ATP8A2: variants seen among roughly 807,000 people sequenced by gnomAD.
ATP8A2 encodes phospholipid-transporting ATPase IB.
Under a neutral mutation model 165.6 loss-of-function variants are expected in ATP8A2, and 100 were observed. The ratio of observed to expected loss-of-function variants is 0.60; its 90% CI spans 0.51 to 0.71. The LOEUF (loss-of-function observed/expected upper bound fraction) is 0.71, where lower values mean the gene tolerates loss of function less well. ATP8A2 is among the 30% of genes least tolerant of loss of function. The pLI, the probability that ATP8A2 is intolerant of heterozygous loss-of-function variation, is 0.00. For missense variants in ATP8A2, 1,227 were observed against 1,479.5 expected (o/e 0.83, Z 2.80); for synonymous variants, 543 against 548.8 (o/e 0.99, Z 0.15).
intron 24 of ATP8A2, among the ~76,000 whole-genome samples, chr13:25,666,413 A>G (rs775199124): frequency 1.3e-5 from 2 of 151,892 alleles, no homozygotes; most frequent in South Asian, 2.1e-4. Flanking sequence ...GTGTATATAT[A>G]TATATTAGTA....
chr13:25,918,539 T>C (rs1214426575), intron 33 of ATP8A2, among the ~76,000 whole-genome samples: 1 of 152,192 alleles, frequency 6.6e-6, no homozygotes, highest in Non-Finnish European at 1.5e-5. Flanking sequence ...AACCCTTCAG[T>C]CCAAAGGGGC....
chr13:25,862,117 T>C (rs761890777), intron 32 of ATP8A2, among the ~76,000 whole-genome samples, 184 bp from the exon 33 acceptor site: 2 of 152,132 alleles, frequency 1.3e-5, no homozygotes, highest in African/African-American at 2.4e-5. Flanking sequence ...ATTACTTGAA[T>C]TCATTGTTAA....
intron 25 of ATP8A2, among the ~76,000 whole-genome samples, chr13:25,709,125 G>A (rs1308089349): frequency 6.7e-6 from 1 of 150,170 alleles, no homozygotes; most frequent in African/African-American, 2.4e-5. Context: ...CAGACAGAGA[G>A]ACAGACAGAC....
intron 24 of ATP8A2, among the ~76,000 whole-genome samples, chr13:25,662,140 A>G (rs1334593983): frequency 6.6e-6 from 1 of 152,224 alleles, no homozygotes; most frequent in Non-Finnish European, 1.5e-5. Context: ...CATCTACCTC[A>G]TAGCATTATT....
intron 30 of ATP8A2, among the ~76,000 whole-genome samples, chr13:25,852,882 C>T (rs1593450604): frequency 6.7e-6 from 1 of 149,892 alleles, no homozygotes; most frequent in Admixed American, 6.7e-5. Context: ...ACAGCCTGGG[C>T]AACAAGAGAG....
intron 2 of ATP8A2, among the ~76,000 whole-genome samples, chr13:25,485,675 G>A (rs1455365478): frequency 6.6e-6 from 1 of 152,158 alleles, no homozygotes; most frequent in African/African-American, 2.4e-5. Context: ...AGTGGCAGTC[G>A]ACCCATAACA....
At chr13:25,481,654 C>T (rs1002981468) in intron 2 of ATP8A2, among the ~76,000 whole-genome samples, 7 of 152,166 alleles carry the variant, frequency 4.6e-5, no homozygotes, top group Admixed American at 3.3e-4. Context: ...ACTGCGGGGG[C>T]GTAAGCAGGT....
intron 2 of ATP8A2, among the ~76,000 whole-genome samples, 191 bp from the exon 3 acceptor site, chr13:25,529,808 A>G (rs2037971397): frequency 6.6e-6 from 1 of 152,156 alleles, no homozygotes; most frequent in Admixed American, 6.6e-5. Flanking sequence ...ACATTGGAAG[A>G]TTTTCTCATC....
At chr13:25,744,349 T>C (rs2419338) in intron 25 of ATP8A2, among the ~76,000 whole-genome samples, 54,150 of 149,786 alleles carry the variant, frequency 0.36, 10,061 homozygotes, top group East Asian at 0.48. Context: ...ATGTGCGCCC[T>C]TCTCTGTGAG....
intron 2 of ATP8A2, among the ~76,000 whole-genome samples, chr13:25,516,695 C>A (rs1470715743): frequency 6.6e-6 from 1 of 150,668 alleles, no homozygotes; most frequent in African/African-American, 2.4e-5. Flanking sequence ...TCTTGCAGTG[C>A]AAAATTAAAT....
At chr13:25,854,013 G>T (rs779626315) in intron 30 of ATP8A2, among the ~76,000 whole-genome samples, 6 of 152,184 alleles carry the variant, frequency 3.9e-5, no homozygotes, top group African/African-American at 7.2e-5. Flanking sequence ...GGCAGAGCTG[G>T]AACAGAGAGC....
In ATP8A2 at chr13:25,996,984, C is replaced by T. The variant is rs141803822; in HGVS notation, c.3378-15547C>T. On this transcript the variant is annotated intron_variant, in intron 35 of 36. Transcript: ENST00000381655. ...CAGGCGTGAGCCACCATGCCCAGCCCATCTTTGTATTTTTAGTAGAGACAG... is the reference window on the plus strand; with the variant it reads ...CAGGCGTGAGCCACCATGCCCAGCCTATCTTTGTATTTTTAGTAGAGACAG... Among the ~76,000 whole-genome samples the T allele has an allele frequency of 7.2e-3, 1,088 of 152,114 alleles. 41 individuals are homozygous for T. In the South Asian group the frequency reaches 0.086, roughly 12 times the overall value.
chr13:25,394,549 G>A (rs1270387352), intron 1 of ATP8A2, among the ~76,000 whole-genome samples: 2 of 152,192 alleles, frequency 1.3e-5, no homozygotes, highest in East Asian at 3.9e-4. Context: ...GACAAAGCAG[G>A]AGGCGGCAGA....
intron 2 of ATP8A2, among the ~76,000 whole-genome samples, chr13:25,517,824 G>A (rs556013114): frequency 3.2e-4 from 48 of 152,316 alleles, no homozygotes; most frequent in African/African-American, 1.1e-3. Context: ...TTTGTAACTG[G>A]TGAGATTTCA....
chr13:25,480,115 G>A (rs896436797), intron 2 of ATP8A2, among the ~76,000 whole-genome samples: 3 of 150,388 alleles, frequency 2.0e-5, no homozygotes, highest in South Asian at 4.2e-4. Context: ...CTGGCCGGGC[G>A]GGGGGCTGAC....
Position 26,021,016 on chromosome 13 carries a change from C to T in ATP8A2, c.*1031C>T, listed in dbSNP as rs1025486909. ...CTTTGGCATCCACTTACATTAGAACCCACGTTTGTTTCAGAGCACATTTTG... is the reference window on the plus strand; with the variant it reads ...CTTTGGCATCCACTTACATTAGAACTCACGTTTGTTTCAGAGCACATTTTG... On this transcript the variant is annotated 3_prime_UTR_variant, in exon 37 of 37. Coordinates refer to ENST00000381655, the MANE Select transcript of ATP8A2 (RefSeq NM_016529.6). 4.6e-5 allele frequency: 7 copies of T among 152,288 alleles called. No homozygotes were observed. The highest frequency in any genetic ancestry group is 1.7e-4 in the African/African-American group (7 of 41,444). 9.4% of individuals were successfully genotyped at this position (152,288 alleles called of 1,614,324 possible).
At chr13:25,650,800 T>G (rs1290012232) in intron 24 of ATP8A2, among the ~76,000 whole-genome samples, 1 of 152,242 alleles carries the variant, frequency 6.6e-6, no homozygotes, top group East Asian at 1.9e-4. Flanking sequence ...CATTCAATAA[T>G]TTCCCAATGT....
At chr13:25,502,440 G>C (rs541766880) in intron 2 of ATP8A2, among the ~76,000 whole-genome samples, 1 of 152,144 alleles carries the variant, frequency 6.6e-6, no homozygotes, top group Non-Finnish European at 1.5e-5. Context: ...GCGTGTGTTC[G>C]TTTTTCTGTG....
chr13:25,928,669 A>G lies in ATP8A2; in HGVS notation c.3184-32906A>G, dbSNP rs573129681. Among the ~76,000 whole-genome samples, 7 of 152,288 alleles carry G rather than the reference A, an allele frequency of 4.6e-5. No homozygotes were observed. The South Asian group carries it at 1.5e-3, about 32-fold the overall frequency. On this transcript the variant is annotated intron_variant, in intron 33 of 36. Coordinates refer to ENST00000381655, the MANE Select transcript of ATP8A2 (RefSeq NM_016529.6). ...ACTCCGTGGATTACCCATCTTGTTG[A>G]CTTTCCGTCACTATTGTCCAAGATG...
Sources: allele counts gnomAD v4.1 joint callset (sites outside exome capture counted in the v4.1 genomes callset), GRCh38; gene constraint gnomAD v4.1.1; transcripts MANE v1.5; gene names NCBI Gene and HGNC (gene_info 2026-07-23, HGNC 2026-07-21).